Variants in NAA60 observed in about 807,000 individuals in gnomAD.
The protein encoded by NAA60 is N-alpha-acetyltransferase 60.
In NAA60, 8 loss-of-function variants were observed where a neutral mutation model predicts 26.1. The ratio of observed to expected loss-of-function variants is 0.31; its 90% CI spans 0.18 to 0.55. The LOEUF (loss-of-function observed/expected upper bound fraction) is 0.55. Ranked by LOEUF, NAA60 falls within the 20% of genes least tolerant of loss-of-function variation. The pLI is 0.93. For synonymous variants in NAA60, 131 were observed against 122.5 expected (o/e 1.07, Z -0.46); for missense variants, 290 against 311.3 (o/e 0.93, Z 0.51).
chr16:3,450,039 AGAAAAG>A (rs386787918), intron 2 of NAA60: 1 of 397,060 alleles, frequency 2.5e-6, no homozygotes. Context: ...TCAAAAAAAG[AGAAAAG>A]AAGAAGAAGG....
chr16:3,464,068 CTG>C (rs2035587420), intron 2 of NAA60, among the ~76,000 whole-genome samples: 1 of 152,186 alleles, frequency 6.6e-6, no homozygotes, highest in African/African-American at 2.4e-5. Context: ...GAGTCTCACT[CTG>C]TTGCCCAGGC....
chr16:3,467,329 G>T (rs2035832891), intron 2 of NAA60, among the ~76,000 whole-genome samples: 1 of 152,112 alleles, frequency 6.6e-6, no homozygotes, highest in African/African-American at 2.4e-5. Context: ...GCTGTGGGCG[G>T]GAAGAGAGAG....
chr16:3,461,798 A>G (rs2035412306), intron 2 of NAA60, among the ~76,000 whole-genome samples: 1 of 152,170 alleles, frequency 6.6e-6, no homozygotes. Context: ...GTGTTTGACA[A>G]ACCATGTTAA....
At position 3,485,950 on chromosome 16, in the gene NAA60, G is replaced by A; in HGVS notation, c.*690G>A. The A allele has an allele frequency of 3.3e-6, 1 of 304,410 alleles. No individual in the cohort carries two copies. The highest frequency in any genetic ancestry group is 6.5e-6 in the Non-Finnish European group (1 of 153,924). The allele number at this position is 304,410 out of a possible 1,614,324, so 18.9% of individuals were successfully genotyped here. On this transcript the variant is annotated 3_prime_UTR_variant, in exon 8 of 8. Transcript: ENST00000407558. The stretch of plus-strand genomic sequence containing the variant: ...CAGCACCTTCCGTGCAGTTACCAGT[G>A]CCCTGGGAGGTCACACTGCCCGTCG...
chr16:3,468,797 C>G (rs923454307), intron 2 of NAA60, among the ~76,000 whole-genome samples: 4 of 152,150 alleles, frequency 2.6e-5, no homozygotes, highest in Non-Finnish European at 4.4e-5. Flanking sequence ...AGGGAGTGGC[C>G]GGGCTCGGTA....
chr16:3,483,434 C>T lies in NAA60; in HGVS notation c.409C>T (p.Leu137=). ...CCAGGACCACTGCAAAGCCATTTAC[C>T]TGCATGTCCTCACCACCAACAACAC... The part of the protein sequence containing the change: ...TAQDHCKAIY[L]HVLTTNNTAI... Residue 137 remains leucine, a synonymous_variant, in exon 6 of 8, where the codon CTG becomes TTG. Coordinates refer to ENST00000407558, the MANE Select transcript of NAA60 (RefSeq NM_001083601.3). 1 of 1,613,986 alleles carries T rather than the reference C, an allele frequency of 6.2e-7. No individual in the cohort carries two copies. The highest frequency in any genetic ancestry group is 8.5e-7 in the Non-Finnish European group (1 of 1,179,892).
chr16:3,455,638 G>A (rs531499755), intron 2 of NAA60, among the ~76,000 whole-genome samples: 1 of 150,434 alleles, frequency 6.6e-6, no homozygotes, highest in South Asian at 2.1e-4. Flanking sequence ...CTCGTGATCC[G>A]CCTGCCTTGG....
At chr16:3,463,713 A>T (rs2035562725) in intron 2 of NAA60, among the ~76,000 whole-genome samples, 1 of 152,028 alleles carries the variant, frequency 6.6e-6, no homozygotes, top group South Asian at 2.1e-4. Flanking sequence ...TAAAAAAAAA[A>T]AAAAAATTCA....
At chr16:3,455,611 G>A (rs1032826687) in intron 2 of NAA60, among the ~76,000 whole-genome samples, 4 of 151,496 alleles carry the variant, frequency 2.6e-5, no homozygotes, top group Non-Finnish European at 4.4e-5. Flanking sequence ...TAGCCAGGAT[G>A]CTCTTGATCT....
chr16:3,453,390 T>C (rs2034859369), intron 2 of NAA60, among the ~76,000 whole-genome samples: 1 of 151,964 alleles, frequency 6.6e-6, no homozygotes, highest in Non-Finnish European at 1.5e-5. Flanking sequence ...TGAGACTCTG[T>C]CTCCAATAAT....
intron 3 of NAA60, among the ~76,000 whole-genome samples, chr16:3,479,141 G>A (rs981786255): frequency 2.0e-5 from 3 of 152,168 alleles, no homozygotes; most frequent in South Asian, 2.1e-4. Context: ...TCGGGAGACC[G>A]AAGCAGGAGA....
intron 2 of NAA60, among the ~76,000 whole-genome samples, chr16:3,450,493 G>A (rs1402870872): frequency 6.6e-6 from 1 of 152,094 alleles, no homozygotes; most frequent in Non-Finnish European, 1.5e-5. Context: ...AAGGTCAGGA[G>A]ATCGAGACCA....
intron 4 of NAA60, among the ~76,000 whole-genome samples, chr16:3,480,563 C>T (rs2036762663): frequency 6.6e-6 from 1 of 150,456 alleles, no homozygotes; most frequent in Non-Finnish European, 1.5e-5. Context: ...TGCCATTGCA[C>T]TCCAGCCCGA....
intron 2 of NAA60, among the ~76,000 whole-genome samples, chr16:3,472,805 A>G (rs2036237294): frequency 6.6e-6 from 1 of 152,188 alleles, no homozygotes; most frequent in Admixed American, 6.5e-5. Flanking sequence ...AACGCCCATT[A>G]ATATTTTGCC....
At chr16:3,450,772 G>C (rs957973965) in intron 2 of NAA60, among the ~76,000 whole-genome samples, 1 of 150,434 alleles carries the variant, frequency 6.6e-6, no homozygotes, top group African/African-American at 2.4e-5. Context: ...TGATGAACTA[G>C]TTTGTTCCTT....
At chr16:3,475,487 C>T (rs528408005) in intron 2 of NAA60, among the ~76,000 whole-genome samples, 2 of 152,270 alleles carry the variant, frequency 1.3e-5, no homozygotes, top group African/African-American at 4.8e-5. Flanking sequence ...AGCCTTCCTC[C>T]CTCCATTCCT....
intron 6 of NAA60, 38 bp downstream of exon 6, chr16:3,483,635 C>T: frequency 6.5e-7 from 1 of 1,537,466 alleles, no homozygotes; most frequent in East Asian, 2.3e-5. Flanking sequence ...CTGTGGCTTC[C>T]TGTCCATAAG....
Position 3,485,056 on chromosome 16 carries a change from T to C in NAA60, c.*201T>C. 1 of 1,478,520 alleles carries C rather than the reference T, an allele frequency of 6.8e-7. No individual in the cohort carries two copies. The highest frequency in any genetic ancestry group is 1.2e-5 in the South Asian group (1 of 82,208). The allele number at this position is 1,478,520 out of a possible 1,614,324, so 91.6% of individuals were successfully genotyped here. ...GGCATGCGCAGAGCATGCCCATCCG[T>C]GGCAGGTACGCCACAGCAGACACAA... On this transcript the variant is annotated 3_prime_UTR_variant, in exon 7 of 8. Transcript: ENST00000407558.
At chr16:3,447,610 AG>A (rs1473500321) in intron 1 of NAA60, 5 of 985,320 alleles carry the variant, frequency 5.1e-6, no homozygotes, top group African/African-American at 1.7e-5. Context: ...ACCTACACTA[AG>A]GGGGCCTAGG....
Sources: gnomAD v4.1 joint callset for allele counts (sites outside exome capture counted in the v4.1 genomes callset) on GRCh38, gnomAD v4.1.1 for gene constraint, MANE v1.5 for transcripts, NCBI Gene and HGNC (gene_info 2026-07-23, HGNC 2026-07-21) for gene names.